KIAA1210: variants seen among roughly 807,000 people sequenced by gnomAD.
The protein encoded by KIAA1210 is acrosomal protein KIAA1210.
Under a neutral mutation model 78.9 loss-of-function variants are expected in KIAA1210, and 48 were observed. That is an observed-to-expected ratio of 0.61 (90% CI 0.48 to 0.77). The LOEUF is 0.77. Ranked by LOEUF, KIAA1210 falls within the 30% of genes least tolerant of loss-of-function variation. The pLI, the probability that KIAA1210 is intolerant of heterozygous loss-of-function variation, is 0.00. For synonymous variants in KIAA1210, 406 were observed against 404.5 expected, an observed-to-expected ratio of 1.00 and a Z score of -0.04; for missense variants, 1,108 against 1,100.0, an observed-to-expected ratio of 1.01 and a Z score of -0.10.
chrX:119,099,363 C>A (rs1927663300), intron 6 of KIAA1210, among the ~76,000 whole-genome samples: 1 of 112,100 alleles, frequency 8.9e-6, no homozygotes, highest in Non-Finnish European at 1.9e-5. Context: ...AGCCAAGAGT[C>A]CATCAAACTT....
At chrX:119,109,257 G>A in intron 3 of KIAA1210, 55 bp from the exon 4 acceptor site, 2 of 1,101,583 alleles carry the variant, frequency 1.8e-6, no homozygotes, top group South Asian at 2.1e-5. Context: ...GGGAACTGAA[G>A]ACAAATGTAT....
chrX:119,150,372 C>T, exon 1 of KIAA1210: 1 of 1,210,146 alleles, frequency 8.3e-7, no homozygotes, highest in Non-Finnish European at 1.1e-6. Flanking sequence ...TCAGTCACTG[C>T]AGCTGGGCCA....
intron 2 of KIAA1210, among the ~76,000 whole-genome samples, chrX:119,120,331 C>A (rs937890491): frequency 8.9e-6 from 1 of 112,310 alleles, no homozygotes; most frequent in Non-Finnish European, 1.9e-5. Flanking sequence ...GCTTCAAAAT[C>A]CCATAGTGGA....
At position 119,102,186 on chromosome X, in the gene KIAA1210, C is replaced by T. The variant is rs368922945; in HGVS notation, c.648+2806G>A. 3.6e-5 allele frequency among the ~76,000 whole-genome samples: 4 copies of T among 112,527 alleles called. No individual in the cohort carries two copies. The East Asian group carries it at 8.4e-4, about 24-fold the overall frequency. On this transcript the variant is annotated intron_variant, in intron 6 of 11. Coordinates refer to ENST00000691062, the MANE Select transcript of KIAA1210 (RefSeq NM_001394962.1). Reference sequence around the variant, plus strand: ...CTGTGGCCTTGGCCAAGTCACTTCACCTCTCTGAACCTCAATTTTTTTTGA... The same window carrying T: ...CTGTGGCCTTGGCCAAGTCACTTCATCTCTCTGAACCTCAATTTTTTTTGA...
At chrX:119,086,458 G>C in intron 9 of KIAA1210, 88 bp downstream of exon 9, 1 of 899,258 alleles carries the variant, frequency 1.1e-6, no homozygotes, top group Non-Finnish European at 1.6e-6. Context: ...TAAAAGACTA[G>C]AATAGACTTT....
chrX:119,094,511 C>T (rs991079235), intron 7 of KIAA1210, among the ~76,000 whole-genome samples: 2 of 112,246 alleles, frequency 1.8e-5, no homozygotes, highest in East Asian at 5.6e-4. Context: ...CAAACAGACA[C>T]AGCTCATAAT....
At chrX:119,139,765 T>A (rs5910516) in intron 2 of KIAA1210, among the ~76,000 whole-genome samples, 1 of 110,487 alleles carries the variant, frequency 9.1e-6, no homozygotes, top group South Asian at 3.9e-4. Flanking sequence ...GCAAGTGTGG[T>A]GAAGAAAAAG....
chrX:119,131,782 C>G (rs1187899047), upstream of KIAA1210, among the ~76,000 whole-genome samples: 1 of 112,050 alleles, frequency 8.9e-6, no homozygotes, highest in Non-Finnish European at 1.9e-5. Flanking sequence ...CATCAAGAAA[C>G]CAGGGACCTC....
At chrX:119,121,799 C>T (rs1212626194) in intron 2 of KIAA1210, among the ~76,000 whole-genome samples, 4 of 108,618 alleles carry the variant, frequency 3.7e-5, no homozygotes, top group Non-Finnish European at 5.7e-5. Context: ...GACGGAGTCT[C>T]GCACTGTCAC....
intron 4 of KIAA1210, among the ~76,000 whole-genome samples, chrX:119,108,842 C>CAAAA (rs3049062): frequency 2.8e-5 from 2 of 70,563 alleles, no homozygotes; most frequent in African/African-American, 1.0e-4. Flanking sequence ...AGACCTGTCT[C>CAAAA]AAAAAAAAAA....
intron 3 of KIAA1210, among the ~76,000 whole-genome samples, chrX:119,116,049 G>C (rs1174667781): frequency 8.9e-6 from 1 of 111,882 alleles, no homozygotes; most frequent in African/African-American, 3.3e-5. Flanking sequence ...CTTGTTATGA[G>C]ATCTTGGCTA....
upstream of KIAA1210, among the ~76,000 whole-genome samples, chrX:119,130,224 G>A (rs1212603087): frequency 8.9e-6 from 1 of 111,912 alleles, no homozygotes; most frequent in Non-Finnish European, 1.9e-5. Context: ...CACTGGAGGG[G>A]GTCCAGTCTC....
intron 2 of KIAA1210, among the ~76,000 whole-genome samples, chrX:119,143,139 G>C (rs1186382471): frequency 8.9e-6 from 1 of 112,606 alleles, no homozygotes; most frequent in Non-Finnish European, 1.9e-5. Context: ...CTAATGACCT[G>C]TGTTCCCTGC....
chrX:119,150,848 T>G (rs1929283065), upstream of KIAA1210, among the ~76,000 whole-genome samples: 1 of 112,271 alleles, frequency 8.9e-6, no homozygotes, highest in Admixed American at 9.3e-5. Context: ...ATTTGGGCGG[T>G]TAGGAGCCCC....
intron 8 of KIAA1210, among the ~76,000 whole-genome samples, chrX:119,093,190 T>C (rs1927441947): frequency 8.9e-6 from 1 of 112,089 alleles, no homozygotes. Flanking sequence ...GGCAATAGTA[T>C]CATTATTAAC....
intron 11 of KIAA1210, 86 bp downstream of exon 11, chrX:119,082,929 C>G: frequency 1.8e-6 from 1 of 545,996 alleles, no homozygotes; most frequent in Non-Finnish European, 3.0e-6. Context: ...AGGTAAGAGA[C>G]AAGTATTATC....
rs772765249 is a variant in KIAA1210, at chrX:119,126,341, T to C, written c.-11+1386A>G. 8.0e-5 allele frequency among the ~76,000 whole-genome samples: 9 copies of C among 112,087 alleles called. No individual in the cohort carries two copies. In the East Asian group the frequency reaches 2.3e-3, roughly 28 times the overall value. On this transcript the variant is annotated intron_variant, in intron 1 of 11. Transcript: ENST00000691062. ...ATCACCATGAGAACTGACAGGGCTG[T>C]GGTGTCAAGATTGCTTCAGACCCAC...
In KIAA1210 at chrX:119,086,850, A is replaced by T; in HGVS notation, c.3852T>A (p.Asn1284Lys). ...GATTGGATAGGTTTGCATGCTGGTT[A>T]TTATTACCATCACCACTCTCAAGAT... Reference protein sequence around the residue: ...KEDLESGDGNNNQHANLSNQD... With the variant: ...KEDLESGDGNKNQHANLSNQD... The change falls in exon 9 of 12, where the codon AAT becomes AAA. Residue 1284 changes from asparagine to lysine, a missense_variant. This residue lies in a region of KIAA1210 where 245 missense variants were observed against 278.8 expected (regional missense o/e 0.88). Transcript: ENST00000691062. The T allele has an allele frequency of 8.3e-7, 1 of 1,211,518 alleles. No homozygotes were observed. Among genetic ancestry groups the T allele is most frequent in the East Asian group, 3.0e-5 (1 of 33,842 alleles).
upstream of KIAA1210, among the ~76,000 whole-genome samples, chrX:119,128,326 A>G (rs1441394578): frequency 1.8e-5 from 2 of 111,202 alleles, no homozygotes; most frequent in East Asian, 5.6e-4. Context: ...CCAAATCCCC[A>G]GTGGCTTCCC....
Sources: allele counts gnomAD v4.1 joint callset (sites outside exome capture counted in the v4.1 genomes callset), GRCh38; gene constraint gnomAD v4.1.1; regional missense constraint gnomAD v4.1.1; transcripts MANE v1.5; gene names NCBI Gene and HGNC (gene_info 2026-07-23, HGNC 2026-07-21).